DHX40: variants seen among roughly 807,000 people sequenced by gnomAD.
DHX40 encodes probable ATP-dependent RNA helicase DHX40.
DHX40 carries 28 observed loss-of-function variants against 89.6 expected under a neutral mutation model. The ratio of observed to expected loss-of-function variants is 0.31; its 90% CI spans 0.23 to 0.43. DHX40 has a LOEUF of 0.43. Ranked by LOEUF, DHX40 falls within the 20% of genes least tolerant of loss-of-function variation. The probability of loss-of-function intolerance (pLI) is 1.00; values close to 1 mark genes in which losing one functional copy is unlikely to be tolerated. For missense variants in DHX40, 457 were observed against 844.0 expected, an observed-to-expected ratio of 0.54 and a Z score of 5.68; for synonymous variants, 226 against 283.6, an observed-to-expected ratio of 0.80 and a Z score of 2.04.
intron 14 of DHX40, among the ~76,000 whole-genome samples, chr17:59,602,230 TC>T (rs1330234149): frequency 6.6e-6 from 1 of 152,166 alleles, no homozygotes; most frequent in African/African-American, 2.4e-5. Flanking sequence ...GGGCTTTACT[TC>T]CCTGTACCTT....
In DHX40 at chr17:59,570,190, TA is replaced by T. The variant is rs2048780902; in HGVS notation, c.281-327del. Reference sequence around the variant, plus strand: ...ATGTTATATATTAATATATATAATATATAATATATTATAATATATATTATAT... The same window carrying T: ...ATGTTATATATTAATATATATAATATTAATATATTATAATATATATTATAT... On this transcript the variant is annotated intron_variant, in intron 2 of 17. Transcript: ENST00000251241. Among the ~76,000 whole-genome samples, 4 of 118,758 alleles carry T rather than the reference TA, an allele frequency of 3.4e-5. No homozygotes were observed. The South Asian group carries it at 8.7e-4, about 26-fold the overall frequency. The allele number at this position is 118,758 out of a possible 152,430, so 77.9% of individuals were successfully genotyped here.
chr17:59,600,616 G>A (rs1184708363), intron 14 of DHX40, among the ~76,000 whole-genome samples: 3 of 152,288 alleles, frequency 2.0e-5, no homozygotes, highest in South Asian at 2.1e-4. Flanking sequence ...GGAGGACGAA[G>A]TGGGAGGACC....
rs778192249 is a variant in DHX40 at position 59,608,155 on chromosome 17, C to G, written c.*983C>G. 6.5e-6 allele frequency: 1 copy of G among 154,690 alleles called. No individual in the cohort carries two copies. The highest frequency in any genetic ancestry group is 2.4e-5 in the African/African-American group (1 of 41,506). The allele number at this position is 154,690 out of a possible 1,614,324, so 9.6% of individuals were successfully genotyped here. A position where few individuals can be genotyped will look rare whatever the true frequency, so the allele number is the denominator to read the frequency against. Reference sequence around the variant, plus strand: ...ACTCAGGCCACACTCAGCACTTGCCCACTCTTGTTTACTGCCTTGTATTCT... The same window carrying G: ...ACTCAGGCCACACTCAGCACTTGCCGACTCTTGTTTACTGCCTTGTATTCT... On this transcript the variant is annotated 3_prime_UTR_variant, in exon 18 of 18. Coordinates refer to ENST00000251241, the MANE Select transcript of DHX40 (RefSeq NM_024612.5).
chr17:59,592,123 G>C (rs2049092512), intron 12 of DHX40, among the ~76,000 whole-genome samples: 1 of 151,426 alleles, frequency 6.6e-6, no homozygotes, highest in South Asian at 2.1e-4. Context: ...CTCCTGCTTT[G>C]GTCTCCCAAA....
Position 59,577,302 on chromosome 17 carries a change from G to C in DHX40, c.1010G>C (p.Gly337Ala), listed in dbSNP as rs1168499599. The C allele has an allele frequency of 6.2e-7, 1 of 1,613,868 alleles. No homozygotes were observed. The stretch of plus-strand genomic sequence containing the variant: ...AGGATATTTTTGCCACCACCACCTG[G>C]AATTAGAAAATGTGTCATATCCACC... ...QRRIFLPPPP[G>A]IRKCVISTNI... Residue 337 changes from glycine (G) to alanine (A), a missense_variant, in exon 8 of 18, where the codon GGA (glycine) becomes GCA (alanine). Physicochemically the swap from Gly to Ala is moderately conservative, Grantham distance 60. This residue lies in a region of DHX40 where 116 missense variants were observed against 188.9 expected (regional missense o/e 0.61). Transcript: ENST00000251241.
intron 1 of DHX40, 99 bp from the exon 2 acceptor site, chr17:59,566,528 G>C: frequency 8.4e-7 from 1 of 1,191,192 alleles, no homozygotes; most frequent in South Asian, 1.6e-5. Flanking sequence ...ATCCCGTCCA[G>C]CCCTAAAATT....
At chr17:59,591,951 C>A (rs1477829356) in intron 12 of DHX40, among the ~76,000 whole-genome samples, 1 of 151,846 alleles carries the variant, frequency 6.6e-6, no homozygotes, top group Non-Finnish European at 1.5e-5. Flanking sequence ...TCACCGCAGC[C>A]TTGACCTCCC....
chr17:59,569,956 G>T (rs2333551), intron 2 of DHX40, among the ~76,000 whole-genome samples: 1 of 142,032 alleles, frequency 7.0e-6, no homozygotes, highest in Non-Finnish European at 1.5e-5. Flanking sequence ...AGGCAGGAGA[G>T]TTGCTTGAAC....
chr17:59,596,166 C>T (rs879033321), intron 12 of DHX40, among the ~76,000 whole-genome samples: 2 of 151,996 alleles, frequency 1.3e-5, no homozygotes, highest in Non-Finnish European at 2.9e-5. Context: ...CCTGGTATTG[C>T]GAGCCAGGAT....
Position 59,602,594 on chromosome 17 carries a change from T to TAC in DHX40, c.1880_1881insCA (p.Phe628IlefsTer5). 1 of 1,613,886 alleles carries TAC rather than the reference T, an allele frequency of 6.2e-7. No individual in the cohort carries two copies. Among genetic ancestry groups the TAC allele is most frequent in the Non-Finnish European group, 8.5e-7 (1 of 1,179,816 alleles). ...ACTACGAAGATGTCTTTGTGCGGGC[T>TAC]ATTTCAAAAATGTAGCTCGAAGGTA... On this transcript the variant is annotated frameshift_variant, in exon 15 of 18. Coordinates refer to ENST00000251241, the MANE Select transcript of DHX40 (RefSeq NM_024612.5). LOFTEE classifies it high-confidence loss of function.
chr17:59,577,953 A>G (rs1320145803), intron 8 of DHX40, among the ~76,000 whole-genome samples: 1 of 152,176 alleles, frequency 6.6e-6, no homozygotes, highest in Admixed American at 6.5e-5. Context: ...TCCAGTGTTT[A>G]TCTGGATGTA....
chr17:59,568,313 A>G (rs1037948427), intron 2 of DHX40, among the ~76,000 whole-genome samples: 1 of 152,224 alleles, frequency 6.6e-6, no homozygotes, highest in African/African-American at 2.4e-5. Context: ...TTTCTGTCAT[A>G]AGGTTTGTAA....
chr17:59,594,523 C>T (rs2049124544), intron 12 of DHX40, among the ~76,000 whole-genome samples: 2 of 151,612 alleles, frequency 1.3e-5, no homozygotes, highest in South Asian at 4.2e-4. Context: ...GAGTTAGGAG[C>T]TGATACTGTG....
At chr17:59,588,859 A>G (rs2143295122) in intron 12 of DHX40, among the ~76,000 whole-genome samples, 1 of 152,260 alleles carries the variant, frequency 6.6e-6, no homozygotes, top group East Asian at 1.9e-4. Context: ...GTCGTACCCA[A>G]AGTCATCTAG....
intron 15 of DHX40, 56 bp from the exon 16 acceptor site, chr17:59,605,059 A>G: frequency 7.0e-7 from 1 of 1,430,676 alleles, no homozygotes; most frequent in Non-Finnish European, 9.9e-7. Context: ...GTAATGCTCC[A>G]TTTACTTCAT....
intron 2 of DHX40, among the ~76,000 whole-genome samples, chr17:59,569,329 AAAATAAAT>A (rs5821271): frequency 0.34 from 50,574 of 146,716 alleles, 10,657 homozygotes; most frequent in African/African-American, 0.58. Context: ...CTCTATCTCA[AAAATAAAT>A]AAATAAATAA....
intron 15 of DHX40, among the ~76,000 whole-genome samples, chr17:59,602,875 T>C (rs1249447320): frequency 6.6e-6 from 1 of 152,140 alleles, no homozygotes; most frequent in African/African-American, 2.4e-5. Context: ...TTAAGGCAAG[T>C]AACAAGAGTT....
chr17:59,565,711 C>T lies in DHX40; in HGVS notation c.40C>T (p.Arg14Trp). ...FPAVAGRAPR[R>W]QEEGERSRDL... Reference sequence around the variant, plus strand: ...CGCAGTCGCGGGCAGGGCGCCAAGGCGGCAGGAGGAGGGTGAGCGGTCAAG... The same window carrying T: ...CGCAGTCGCGGGCAGGGCGCCAAGGTGGCAGGAGGAGGGTGAGCGGTCAAG... Residue 14 changes from arginine to tryptophan, a missense_variant, in exon 1 of 18, where the codon CGG (arginine) becomes TGG (tryptophan). Arg to Trp is a moderately radical substitution (Grantham distance 101, BLOSUM62 -3). Coordinates refer to ENST00000251241, the MANE Select transcript of DHX40 (RefSeq NM_024612.5). The T allele has an allele frequency of 6.2e-7, 1 of 1,603,976 alleles. No individual in the cohort carries two copies.
chr17:59,581,351 A>C (rs1209864119), intron 10 of DHX40, among the ~76,000 whole-genome samples: 1 of 71,096 alleles, frequency 1.4e-5, no homozygotes, highest in Non-Finnish European at 2.7e-5. Context: ...TAGGGGAATT[A>C]ATGGAGGAAA....
Sources: allele counts gnomAD v4.1 joint callset (sites outside exome capture counted in the v4.1 genomes callset), GRCh38; gene constraint gnomAD v4.1.1; regional missense constraint gnomAD v4.1.1; transcripts MANE v1.5; gene names NCBI Gene and HGNC (gene_info 2026-07-23, HGNC 2026-07-21).